Variants in ATF1 observed in about 807,000 individuals in gnomAD.
ATF1 encodes the protein activating transcription factor 1.
Under a neutral mutation model 34.7 loss-of-function variants are expected in ATF1, and 16 were observed. That is an observed-to-expected ratio of 0.46 (90% CI 0.31 to 0.70). The LOEUF (loss-of-function observed/expected upper bound fraction) is 0.70, where lower values mean the gene tolerates loss of function less well. ATF1 is among the 30% of genes least tolerant of loss of function. The probability of loss-of-function intolerance (pLI) is 0.05; values close to 1 mark genes in which losing one functional copy is unlikely to be tolerated. For missense variants in ATF1, 255 were observed against 321.6 expected, an observed-to-expected ratio of 0.79 and a Z score of 1.58; for synonymous variants, 105 against 113.1, an observed-to-expected ratio of 0.93 and a Z score of 0.46.
chr12:50,787,766 G>A (rs1010109415), intron 2 of ATF1, among the ~76,000 whole-genome samples: 2 of 152,124 alleles, frequency 1.3e-5, no homozygotes, highest in Middle Eastern at 3.4e-3. Context: ...TGACACAGGT[G>A]AAGTATATGT....
intron 2 of ATF1, among the ~76,000 whole-genome samples, chr12:50,781,138 C>T (rs561060170): frequency 2.0e-5 from 3 of 152,128 alleles, no homozygotes; most frequent in East Asian, 1.9e-4. Flanking sequence ...GGTTCCAGGA[C>T]GTCCACAGAT....
intron 1 of ATF1, among the ~76,000 whole-genome samples, chr12:50,776,169 G>A (rs1235143268): frequency 1.3e-5 from 2 of 151,370 alleles, no homozygotes; most frequent in African/African-American, 4.9e-5. Context: ...AAAATTAGCT[G>A]GGCATGGTGG....
At chr12:50,795,288 T>C (rs1015166374) in intron 2 of ATF1, among the ~76,000 whole-genome samples, 2 of 152,208 alleles carry the variant, frequency 1.3e-5, no homozygotes, top group Non-Finnish European at 2.9e-5. Context: ...TTCTCTTCTT[T>C]ACTGGTGACT....
chr12:50,785,278 TATACATACAC>T (rs1169921392), intron 2 of ATF1, among the ~76,000 whole-genome samples: 38 of 115,192 alleles, frequency 3.3e-4, no homozygotes, highest in African/African-American at 1.0e-3. Context: ...AAATTATATA[TATACATACAC>T]ACACACACAC....
At chr12:50,795,833 T>G in intron 2 of ATF1, 76 bp from the exon 3 acceptor site, 1 of 1,161,900 alleles carries the variant, frequency 8.6e-7, no homozygotes, top group Non-Finnish European at 1.3e-6. Flanking sequence ...CAGATCATTT[T>G]TTTCTAAAAG....
At chr12:50,816,294 G>C (rs554416455) in intron 6 of ATF1, among the ~76,000 whole-genome samples, 4 of 152,078 alleles carry the variant, frequency 2.6e-5, no homozygotes, top group Non-Finnish European at 5.9e-5. Flanking sequence ...ACTTCAGCCT[G>C]GGCAACAGAG....
intron 3 of ATF1, among the ~76,000 whole-genome samples, chr12:50,801,920 T>C (rs1829132840): frequency 6.6e-6 from 1 of 152,120 alleles, no homozygotes; most frequent in African/African-American, 2.4e-5. Flanking sequence ...CTCAGGGAAT[T>C]AGTCAATAAA....
At chr12:50,787,583 G>GA (rs944124464) in intron 2 of ATF1, among the ~76,000 whole-genome samples, 38 of 141,534 alleles carry the variant, frequency 2.7e-4, no homozygotes, top group African/African-American at 2.8e-4. Flanking sequence ...AAATACAAAA[G>GA]AAAAAAAAAA....
chr12:50,796,700 C>CAA (rs879787960), intron 3 of ATF1, among the ~76,000 whole-genome samples: 3 of 119,170 alleles, frequency 2.5e-5, no homozygotes, highest in African/African-American at 9.4e-5. Context: ...GACTCTGTCT[C>CAA]AAAAAAAAAA....
chr12:50,779,895 C>T (rs1012685800), intron 1 of ATF1, among the ~76,000 whole-genome samples: 1 of 152,120 alleles, frequency 6.6e-6, no homozygotes, highest in Admixed American at 6.6e-5. Flanking sequence ...AATGGGATAA[C>T]GTTTGCAAAC....
At chr12:50,799,925 G>C (rs1941481144) in intron 3 of ATF1, among the ~76,000 whole-genome samples, 2 of 152,140 alleles carry the variant, frequency 1.3e-5, no homozygotes, top group Admixed American at 1.3e-4. Flanking sequence ...AAAAAGTATA[G>C]CGCAGAAAAA....
chr12:50,795,799 C>A, intron 2 of ATF1, 110 bp from the exon 3 acceptor site: 1 of 797,282 alleles, frequency 1.3e-6, no homozygotes, highest in Non-Finnish European at 2.0e-6. Flanking sequence ...ATTTAATGTA[C>A]AAATGAATTG....
At chr12:50,817,149 T>C (rs943270786) in intron 6 of ATF1, among the ~76,000 whole-genome samples, 1 of 152,140 alleles carries the variant, frequency 6.6e-6, no homozygotes, top group Admixed American at 6.5e-5. Context: ...CCCAGCTGTT[T>C]TAGTCTGTGT....
chr12:50,766,695 T>A (rs1210556238), intron 1 of ATF1, among the ~76,000 whole-genome samples: 1 of 138,892 alleles, frequency 7.2e-6, no homozygotes, highest in Non-Finnish European at 1.5e-5. Context: ...CTGATGGGAC[T>A]GCTGGAAAAG....
At chr12:50,785,744 C>G (rs1031004749) in intron 2 of ATF1, among the ~76,000 whole-genome samples, 2 of 152,092 alleles carry the variant, frequency 1.3e-5, no homozygotes, top group Non-Finnish European at 2.9e-5. Context: ...TTGGTTGGTT[C>G]TTGGCTGGAG....
intron 2 of ATF1, among the ~76,000 whole-genome samples, chr12:50,794,275 A>G (rs979470263): frequency 6.6e-6 from 1 of 151,488 alleles, no homozygotes; most frequent in Non-Finnish European, 1.5e-5. Flanking sequence ...TTAAAAATTA[A>G]GATGAAGTCG....
intron 2 of ATF1, among the ~76,000 whole-genome samples, chr12:50,786,052 G>A (rs1358237703): frequency 1.3e-5 from 2 of 152,138 alleles, no homozygotes; most frequent in South Asian, 2.1e-4. Context: ...CAGATCATGG[G>A]GGCCACCCTA....
intron 6 of ATF1, among the ~76,000 whole-genome samples, chr12:50,815,840 A>C (rs540983058): frequency 6.6e-6 from 1 of 152,368 alleles, no homozygotes; most frequent in East Asian, 1.9e-4. Flanking sequence ...AGCACTATTC[A>C]CGCACAATAG....
At chr12:50,767,057 T>C (rs1940654248) in intron 1 of ATF1, among the ~76,000 whole-genome samples, 1 of 152,170 alleles carries the variant, frequency 6.6e-6, no homozygotes, top group African/African-American at 2.4e-5. Flanking sequence ...TTTTCCTTTA[T>C]GATACGGCTT....
Sources: gnomAD v4.1 joint callset for allele counts (sites outside exome capture counted in the v4.1 genomes callset) on GRCh38, gnomAD v4.1.1 for gene constraint, MANE v1.5 for transcripts, NCBI Gene and HGNC (gene_info 2026-07-23, HGNC 2026-07-21) for gene names.